Variants in PEG3 observed in about 807,000 individuals in gnomAD.
The protein encoded by PEG3 is paternally-expressed gene 3 protein.
A neutral mutation model predicts 35.5 loss-of-function variants in PEG3; 23 were observed. The ratio of observed to expected loss-of-function variants is 0.65; its 90% CI spans 0.47 to 0.92. The LOEUF (loss-of-function observed/expected upper bound fraction) is 0.92, where lower values mean the gene tolerates loss of function less well. PEG3 is among the 40% of genes least tolerant of loss of function. PEG3 has a pLI of 0.00. For missense variants in PEG3, 1,960 were observed against 1,985.3 expected, an observed-to-expected ratio of 0.99 and a Z score of 0.24; for synonymous variants, 707 against 697.0, an observed-to-expected ratio of 1.01 and a Z score of -0.23.
intron 1 of PEG3, among the ~76,000 whole-genome samples, chr19:56,837,919 A>G (rs1314124682): frequency 6.6e-6 from 1 of 152,130 alleles, no homozygotes; most frequent in Non-Finnish European, 1.5e-5. Flanking sequence ...GTGCCTCCGC[A>G]CTGCACCCGC....
chr19:56,837,469 T>A (rs1396479907), intron 1 of PEG3, among the ~76,000 whole-genome samples: 4 of 152,126 alleles, frequency 2.6e-5, no homozygotes, highest in Non-Finnish European at 4.4e-5. Context: ...TCCCCAAATC[T>A]CTTAAAACGT....
Position 56,822,789 on chromosome 19 carries a change from G to C in PEG3, c.529C>G (p.Arg177Gly). ...TTCCTGGTGTGGGACCAGCGGTCTCGTGGCTCCATGTCTCTGCTTCTGCCC... is the reference window on the plus strand; with the variant it reads ...TTCCTGGTGTGGGACCAGCGGTCTCCTGGCTCCATGTCTCTGCTTCTGCCC... ...RRGRSRDMEP[R>G]DRWSHTRNPR... Residue 177 changes from arginine to glycine, a missense_variant, in exon 6 of 10, where the codon CGA (arginine) becomes GGA (glycine). This residue lies in a region of PEG3 where 613 missense variants were observed against 577.1 expected (regional missense o/e 1.06). Coordinates refer to ENST00000326441, the MANE Select transcript of PEG3 (RefSeq NM_006210.3). 6.2e-7 allele frequency: 1 copy of C among 1,614,122 alleles called. No individual in the cohort carries two copies. Among genetic ancestry groups the C allele is most frequent in the Non-Finnish European group, 8.5e-7 (1 of 1,180,030 alleles).
At chr19:56,817,956 C>T (rs1003005904) in intron 8 of PEG3, 121 bp from the exon 9 acceptor site, 12 of 719,512 alleles carry the variant, frequency 1.7e-5, no homozygotes, top group Non-Finnish European at 2.6e-5. Flanking sequence ...CATCTGATTC[C>T]TTGGATGTCA....
At chr19:56,826,217 C>G (rs2061014704) in intron 3 of PEG3, among the ~76,000 whole-genome samples, 171 bp downstream of exon 3, 1 of 152,200 alleles carries the variant, frequency 6.6e-6, no homozygotes, top group South Asian at 2.1e-4. Context: ...GACATGGTCA[C>G]TCTAACCCAG....
At position 56,810,291 on chromosome 19, in the gene PEG3, A is replaced by T. The variant is rs1026566321; in HGVS notation, c.*3384T>A. 114 of 973,868 alleles carry T rather than the reference A, an allele frequency of 1.2e-4. No individual in the cohort carries two copies. Among genetic ancestry groups the T allele is most frequent in the Non-Finnish European group, 1.4e-4 (112 of 819,524 alleles). 60.3% of individuals were successfully genotyped at this position (973,868 alleles called of 1,614,324 possible). A position where few individuals can be genotyped will look rare whatever the true frequency, so the allele number is the denominator to read the frequency against. ...TCTATAATGAACACATTTCATATAT[A>T]ATGGAAATATATGTAGTAAAGGTGG... On this transcript the variant is annotated 3_prime_UTR_variant, in exon 10 of 10. Transcript: ENST00000326441.
chr19:56,810,265 T>G lies in PEG3; in HGVS notation c.*3410A>C. On this transcript the variant is annotated 3_prime_UTR_variant, in exon 10 of 10. Transcript: ENST00000326441. ...TTCTACATTTCTGTAACTTCAAAGT[T>G]TCTATAATGAACACATTTCATATAT... is the stretch of plus-strand genomic sequence containing the variant. 1 of 983,274 alleles carries G rather than the reference T, an allele frequency of 1.0e-6. No individual in the cohort carries two copies. The highest frequency in any genetic ancestry group is 1.2e-6 in the Non-Finnish European group (1 of 828,010). The allele number at this position is 983,274 out of a possible 1,614,324, so 60.9% of individuals were successfully genotyped here.
chr19:56,815,498 A>C lies in PEG3; in HGVS notation c.2944T>G (p.Ser982Ala). 1 of 1,614,110 alleles carries C rather than the reference A, an allele frequency of 6.2e-7. No homozygotes were observed. Among genetic ancestry groups the C allele is most frequent in the Non-Finnish European group, 8.5e-7 (1 of 1,180,008 alleles). Residue 982 changes from serine (S) to alanine (A), a missense_variant, in exon 10 of 10, where the codon TCT becomes GCT. By Grantham distance (99) the Ser-to-Ala change is moderately conservative. Transcript: ENST00000326441. Reference sequence around the variant, plus strand: ...ATCTTCTGGTGCTCAGTGAGGTCAGAGCTATGAGCAAAGCACTCCCCACAC... The same window carrying C: ...ATCTTCTGGTGCTCAGTGAGGTCAGCGCTATGAGCAAAGCACTCCCCACAC... ...QECGECFAHS[S>A]DLTEHQKIHD... is the part of the protein sequence containing the mutation.
In PEG3 at chr19:56,814,728, A is replaced by G. The variant is rs1600898923; in HGVS notation, c.3714T>C (p.Ser1238=). The G allele has an allele frequency of 6.2e-7, 1 of 1,614,150 alleles. No individual in the cohort carries two copies. Among genetic ancestry groups the G allele is most frequent in the East Asian group, 2.2e-5 (1 of 44,862 alleles). ...LLCGQGFIHS[S]ALNEHMRLHR... is the part of the protein sequence containing the mutation. ...GAAGTCTCATATGCTCATTAAGGGCAGAGCTATGAATGAAGCCTTGTCCAC... is the reference window on the plus strand; with the variant it reads ...GAAGTCTCATATGCTCATTAAGGGCGGAGCTATGAATGAAGCCTTGTCCAC... The change falls in exon 10 of 10, where the codon TCT becomes TCC. Residue 1238 remains serine, a synonymous_variant. Transcript: ENST00000326441. This position sits in a 1 kb window ranked among gnomAD's most constrained non-coding sequence, Gnocchi z 5.8.
intron 7 of PEG3, 113 bp downstream of exon 7, chr19:56,821,538 C>T: frequency 7.6e-7 from 1 of 1,319,930 alleles, no homozygotes; most frequent in Non-Finnish European, 1.0e-6. Flanking sequence ...CGCTGGGACT[C>T]TCACCCCAGC....
chr19:56,840,247 G>A (rs1035224844), intron 1 of PEG3, among the ~76,000 whole-genome samples: 3 of 152,206 alleles, frequency 2.0e-5, no homozygotes, highest in Non-Finnish European at 2.9e-5. Context: ...GGTTTGCTGC[G>A]GTGGCCCCCG....
Position 56,816,463 on chromosome 19 carries a change from T to C in PEG3, c.1979A>G (p.Lys660Arg), listed in dbSNP as rs146848788. Residue 660 changes from lysine to arginine, a missense_variant, in exon 10 of 10, where the codon AAA (lysine) becomes AGA (arginine). Around this residue, in one of 5 missense-constraint regions of PEG3, gnomAD observed 798 missense variants for 782.4 expected, o/e 1.02. Coordinates refer to ENST00000326441, the MANE Select transcript of PEG3 (RefSeq NM_006210.3). ...AGGAATAAAGGTTTCCTCACACACT[T>C]TACCCTTGTTTTCAAATGGGTTCCC... ...TRGNPFENKG[K>R]VCEETFIPGQ... 7.4e-6 allele frequency: 12 copies of C among 1,613,652 alleles called. No homozygotes were observed. In the African/African-American group the frequency reaches 1.6e-4, roughly 22 times the overall value.
Position 56,812,696 on chromosome 19 carries a change from T to A in PEG3, c.*979A>T. On this transcript the variant is annotated 3_prime_UTR_variant, in exon 10 of 10. Transcript: ENST00000326441. ...CCTCTCCTACGGTTCTCAACCTTCA[T>A]TAGGCACTACTGTGATCTAGTGATG... 1.0e-6 allele frequency: 1 copy of A among 984,310 alleles called. No individual in the cohort carries two copies. Among genetic ancestry groups the A allele is most frequent in the Non-Finnish European group, 1.2e-6 (1 of 828,590 alleles). The allele number at this position is 984,310 out of a possible 1,614,324, so 61.0% of individuals were successfully genotyped here.
At position 56,815,912 on chromosome 19, in the gene PEG3, G is replaced by C; in HGVS notation, c.2530C>G (p.Pro844Ala). ...VIHSLVASKP[P>A]RSHNGNELVE... The stretch of plus-strand genomic sequence containing the variant: ...AATTCATTTCCATTGTGACTTCTTG[G>C]AGGTTTGGAAGCCACTAAGCTATGG... Residue 844 changes from proline to alanine, a missense_variant, in exon 10 of 10, where the codon CCA becomes GCA. Around this residue, in one of 5 missense-constraint regions of PEG3, gnomAD observed 798 missense variants for 782.4 expected, o/e 1.02. Coordinates refer to ENST00000326441, the MANE Select transcript of PEG3 (RefSeq NM_006210.3). The C allele has an allele frequency of 1.2e-6, 2 of 1,611,340 alleles. No homozygotes were observed. The highest frequency in any genetic ancestry group is 1.7e-6 in the Non-Finnish European group (2 of 1,178,538).
At position 56,815,738 on chromosome 19, in the gene PEG3, C is replaced by T; in HGVS notation, c.2704G>A (p.Ala902Thr). The change falls in exon 10 of 10, where the codon GCC (alanine) becomes ACC (threonine). Residue 902 changes from alanine to threonine, a missense_variant. Ala to Thr is a moderately conservative substitution (Grantham distance 58). Transcript: ENST00000326441. Reference sequence around the variant, plus strand: ...CCAGGAACACTTTTCTGAGGTTTGGCACGGAATACACTCTGTATGACAGAG... The same window carrying T: ...CCAGGAACACTTTTCTGAGGTTTGGTACGGAATACACTCTGTATGACAGAG... ...EDSVIQSVFR[A>T]KPQKSVPGEG... 6.2e-7 allele frequency: 1 copy of T among 1,614,156 alleles called. No homozygotes were observed. The highest frequency in any genetic ancestry group is 8.5e-7 in the Non-Finnish European group (1 of 1,180,024).
At chr19:56,834,710 G>C (rs944503345) in intron 2 of PEG3, among the ~76,000 whole-genome samples, 1 of 152,154 alleles carries the variant, frequency 6.6e-6, no homozygotes, top group Non-Finnish European at 1.5e-5. Flanking sequence ...TGAGCACTGA[G>C]GCCAGGAATA....
chr19:56,831,507 C>T (rs1245684480), intron 2 of PEG3, among the ~76,000 whole-genome samples: 1 of 152,200 alleles, frequency 6.6e-6, no homozygotes, highest in Non-Finnish European at 1.5e-5. Context: ...GGAGCCTCCC[C>T]TAAGAAATTA....
At chr19:56,840,415 G>A (rs1372506321) in intron 1 of PEG3, among the ~76,000 whole-genome samples, 167 bp downstream of exon 1, 2 of 152,184 alleles carry the variant, frequency 1.3e-5, no homozygotes, top group African/African-American at 4.8e-5. Context: ...CTCGGACTGG[G>A]CAGCGGGCGG....
chr19:56,822,716 A>AT, intron 6 of PEG3, 37 bp downstream of exon 6: 1 of 1,610,704 alleles, frequency 6.2e-7, no homozygotes, highest in Non-Finnish European at 8.5e-7. Context: ...CACATGCTCT[A>AT]TATCTCCTAC....
rs1003233655 is a variant in PEG3, at chr19:56,811,741, T to C, written c.*1934A>G. The C allele has an allele frequency of 4.1e-6, 4 of 985,544 alleles. No homozygotes were observed. The highest frequency in any genetic ancestry group is 6.1e-5 in the Admixed American group (1 of 16,268). The allele number at this position is 985,544 out of a possible 1,614,324, so 61.0% of individuals were successfully genotyped here. Reference sequence around the variant, plus strand: ...TTCCCGATGTCCGTTCCAACCTCAGTCCTTCCTATGCAGCCAGCCCTCACC... The same window carrying C: ...TTCCCGATGTCCGTTCCAACCTCAGCCCTTCCTATGCAGCCAGCCCTCACC... On this transcript the variant is annotated 3_prime_UTR_variant, in exon 10 of 10. Transcript: ENST00000326441.
Sources: gnomAD v4.1 joint callset for allele counts (sites outside exome capture counted in the v4.1 genomes callset) on GRCh38, gnomAD v4.1.1 for gene constraint, gnomAD v4.1.1 regional missense constraint, Gnocchi (gnomAD v3.1) non-coding constraint, MANE v1.5 for transcripts, NCBI Gene and HGNC (gene_info 2026-07-23, HGNC 2026-07-21) for gene names.